Variants in TBK1 observed in about 807,000 individuals in gnomAD.
The protein encoded by TBK1 is TANK binding kinase 1, also known as serine/threonine-protein kinase TBK1.
Under a neutral mutation model 99.9 loss-of-function variants are expected in TBK1, and 37 were observed. The observed-to-expected ratio is 0.37, with a 90% CI of 0.28 to 0.49. The LOEUF (loss-of-function observed/expected upper bound fraction) is 0.49, where lower values mean the gene tolerates loss of function less well. TBK1 is among the 20% of genes least tolerant of loss of function. The pLI is 0.98. For synonymous variants in TBK1, 258 were observed against 279.8 expected (o/e 0.92, Z 0.78); for missense variants, 644 against 872.5 (o/e 0.74, Z 3.30).
At chr12:64,453,604 A>C (rs1240492017) in intron 1 of TBK1, among the ~76,000 whole-genome samples, 1 of 152,204 alleles carries the variant, frequency 6.6e-6, no homozygotes, top group Non-Finnish European at 1.5e-5. Flanking sequence ...TTCCTAACCC[A>C]GCTTGGGGAT....
rs141958964 is a variant in TBK1 at position 64,484,262 on chromosome 12, T to C, written c.993-41T>C. 4.7e-5 allele frequency: 65 copies of C among 1,382,636 alleles called. No individual in the cohort carries two copies. The African/African-American group carries it at 8.7e-4, about 18-fold the overall frequency. The allele number at this position is 1,382,636 out of a possible 1,614,324, so 85.6% of individuals were successfully genotyped here. A position where few individuals can be genotyped will look rare whatever the true frequency, so the allele number is the denominator to read the frequency against. On this transcript the variant is annotated intron_variant, in intron 8 of 20. Coordinates refer to ENST00000331710, the MANE Select transcript of TBK1 (RefSeq NM_013254.4). ...ATTTAAAATATTTTGCCTCTCACTTTATCCCCAGTTATAGTGTCCTTTTGA... is the reference window on the plus strand; with the variant it reads ...ATTTAAAATATTTTGCCTCTCACTTCATCCCCAGTTATAGTGTCCTTTTGA...
chr12:64,471,428 C>T (rs2040661655), intron 5 of TBK1, among the ~76,000 whole-genome samples: 1 of 152,106 alleles, frequency 6.6e-6, no homozygotes, highest in East Asian at 1.9e-4. Context: ...TCCTAGCTCA[C>T]TGCAACCTCC....
chr12:64,499,555 C>T (rs549698717), intron 20 of TBK1, among the ~76,000 whole-genome samples: 1 of 152,066 alleles, frequency 6.6e-6, no homozygotes, highest in South Asian at 2.1e-4. Flanking sequence ...GAGAGTTACT[C>T]GTTAACTTTA....
intron 4 of TBK1, among the ~76,000 whole-genome samples, chr12:64,466,471 T>G (rs570541140): frequency 6.6e-6 from 1 of 152,254 alleles, no homozygotes; most frequent in South Asian, 2.1e-4. Context: ...ACATATTGAG[T>G]TCAGTTTACT....
chr12:64,456,558 G>T (rs2040489415), intron 2 of TBK1, among the ~76,000 whole-genome samples: 2 of 152,064 alleles, frequency 1.3e-5, no homozygotes, highest in Admixed American at 1.3e-4. Context: ...AACCAAAAAG[G>T]GGCCGGGCGC....
At chr12:64,475,217 A>G (rs147765874) in intron 6 of TBK1, among the ~76,000 whole-genome samples, 31 of 152,326 alleles carry the variant, frequency 2.0e-4, no homozygotes, top group Admixed American at 3.3e-4. Context: ...GACACTTGAT[A>G]TATTTTACTA....
intron 5 of TBK1, among the ~76,000 whole-genome samples, chr12:64,470,859 T>G (rs936431882): frequency 4.6e-5 from 7 of 152,218 alleles, no homozygotes; most frequent in African/African-American, 1.7e-4. Context: ...GAACACAGTT[T>G]AGCTTTTGCC....
chr12:64,458,086 A>AAC (rs71092969), intron 2 of TBK1, among the ~76,000 whole-genome samples: 13,690 of 143,540 alleles, frequency 0.095, 664 homozygotes, highest in Middle Eastern at 0.2. Flanking sequence ...GTCTCTACTA[A>AAC]ACACACACAC....
intron 5 of TBK1, among the ~76,000 whole-genome samples, chr12:64,468,280 T>G (rs2040626152): frequency 6.6e-6 from 1 of 152,000 alleles, no homozygotes; most frequent in Non-Finnish European, 1.5e-5. Flanking sequence ...AGATCACAAG[T>G]TCAGGAGTTT....
intron 20 of TBK1, 121 bp from the exon 21 acceptor site, chr12:64,501,209 A>T (rs1298940262): frequency 1.5e-5 from 13 of 888,022 alleles, no homozygotes; most frequent in Non-Finnish European, 2.3e-5. Flanking sequence ...AATCATAGTT[A>T]CTTAAACTCT....
intron 4 of TBK1, 142 bp from the exon 5 acceptor site, chr12:64,466,756 TATC>T (rs2136063325): frequency 3.0e-6 from 1 of 335,838 alleles, no homozygotes; most frequent in East Asian, 5.0e-5. Context: ...ATATATTTAT[TATC>T]TATTCTTTGA....
intron 4 of TBK1, 91 bp downstream of exon 4, chr12:64,464,554 T>G: frequency 1.0e-6 from 1 of 987,184 alleles, no homozygotes; most frequent in East Asian, 3.0e-5. Flanking sequence ...CTGAAGACCT[T>G]TATGCAATGC....
At position 64,452,186 on chromosome 12, in the gene TBK1, G is replaced by A. The variant is rs931850595; in HGVS notation, c.-33G>A. 5.2e-5 allele frequency: 8 copies of A among 152,484 alleles called. No homozygotes were observed. The highest frequency in any genetic ancestry group is 8.8e-5 in the Non-Finnish European group (6 of 68,350). The allele number at this position is 152,484 out of a possible 1,614,324, so 9.4% of individuals were successfully genotyped here. A position where few individuals can be genotyped will look rare whatever the true frequency, so the allele number is the denominator to read the frequency against. The stretch of plus-strand genomic sequence containing the variant: ...GCGGTGGCGCGGCGGAGACCCGGCT[G>A]GGTAAGTGAGACGGCCGCGGGCTGA... On this transcript the variant is annotated splice_region_variant and 5_prime_UTR_variant, in exon 1 of 21. Coordinates refer to ENST00000331710, the MANE Select transcript of TBK1 (RefSeq NM_013254.4).
At chr12:64,492,596 T>G (rs2040880602) in intron 13 of TBK1, among the ~76,000 whole-genome samples, 1 of 152,040 alleles carries the variant, frequency 6.6e-6, no homozygotes, top group Non-Finnish European at 1.5e-5. Context: ...ATGAGCCACC[T>G]TGCCTAGCCA....
At chr12:64,493,196 G>A (rs529713010) in intron 13 of TBK1, among the ~76,000 whole-genome samples, 52 of 152,010 alleles carry the variant, frequency 3.4e-4, no homozygotes, top group African/African-American at 1.1e-3. Flanking sequence ...GCCCGGCTTC[G>A]TAGTGGAGAC....
intron 19 of TBK1, 47 bp downstream of exon 19, chr12:64,497,801 A>G: frequency 6.7e-7 from 1 of 1,493,828 alleles, no homozygotes; most frequent in Non-Finnish European, 9.2e-7. Context: ...ATTTGCTTTC[A>G]TTGCAGTTTG....
chr12:64,489,844 G>A (rs2040852671), intron 12 of TBK1, among the ~76,000 whole-genome samples, 197 bp from the exon 13 acceptor site: 1 of 150,626 alleles, frequency 6.6e-6, no homozygotes, highest in Non-Finnish European at 1.5e-5. Flanking sequence ...CCAAGGTGCT[G>A]GAATTACAGG....
intron 6 of TBK1, among the ~76,000 whole-genome samples, chr12:64,476,848 A>G (rs757607381): frequency 1.3e-5 from 2 of 152,144 alleles, no homozygotes; most frequent in Non-Finnish European, 2.9e-5. Flanking sequence ...ATTTTTGTAT[A>G]TGGTAAGAGG....
At chr12:64,489,786 C>T (rs2040851995) in intron 12 of TBK1, among the ~76,000 whole-genome samples, 1 of 150,924 alleles carries the variant, frequency 6.6e-6, no homozygotes, top group Non-Finnish European at 1.5e-5. Context: ...CCATGTTAGC[C>T]AGGATGGTCT....
Sources: gnomAD v4.1 joint callset for allele counts (sites outside exome capture counted in the v4.1 genomes callset) on GRCh38, gnomAD v4.1.1 for gene constraint, MANE v1.5 for transcripts, NCBI Gene and HGNC (gene_info 2026-07-23, HGNC 2026-07-21) for gene names.